RELN: variants seen among roughly 807,000 people sequenced by gnomAD.
The protein encoded by RELN is reelin.
A neutral mutation model predicts 427.6 loss-of-function variants in RELN; 108 were observed. The observed-to-expected ratio is 0.25, with a 90% CI of 0.22 to 0.30. RELN has a LOEUF of 0.30. Ranked by LOEUF, RELN falls within the 10% of genes least tolerant of loss-of-function variation. RELN has a pLI of 1.00. For missense variants in RELN, 3,715 were observed against 4,302.8 expected, an observed-to-expected ratio of 0.86 and a Z score of 3.82; for synonymous variants, 1,524 against 1,513.4, an observed-to-expected ratio of 1.01 and a Z score of -0.16.
intron 28 of RELN, 115 bp from the exon 29 acceptor site, chr7:103,575,820 G>T: frequency 8.5e-7 from 1 of 1,172,162 alleles, no homozygotes; most frequent in Non-Finnish European, 1.3e-6. Context: ...TGAAAGTCAT[G>T]TCTGCTTGAC....
intron 1 of RELN, among the ~76,000 whole-genome samples, chr7:103,943,290 A>C (rs1256207958): frequency 6.6e-6 from 1 of 152,134 alleles, no homozygotes; most frequent in Non-Finnish European, 1.5e-5. Context: ...CTTGTATTAA[A>C]ATTGTGACAG....
chr7:103,827,362 A>C (rs951378954), intron 3 of RELN, among the ~76,000 whole-genome samples: 6 of 152,002 alleles, frequency 3.9e-5, no homozygotes, highest in African/African-American at 1.4e-4. Flanking sequence ...AGAGGGGGGA[A>C]AATGAAGGGA....
intron 2 of RELN, among the ~76,000 whole-genome samples, chr7:103,910,012 A>T (rs899064424): frequency 2.2e-5 from 3 of 135,896 alleles, no homozygotes; most frequent in African/African-American, 8.4e-5. Context: ...CAGTATGGCC[A>T]TTTTCACGAT....
rs183441347 is a variant in RELN, at chr7:103,573,414, T to C, written c.4511+678A>G. On this transcript the variant is annotated intron_variant, in intron 30 of 64. Transcript: ENST00000428762. The surrounding 1 kb of genome is among the most constrained non-coding windows in gnomAD (Gnocchi z 4.4). ...TAGCGACTGACAGAGAGTACCTGCT[T>C]GACAGGCACACCTCTGAGAGAACAA... Among the ~76,000 whole-genome samples, 1 of 152,236 alleles carries C rather than the reference T, an allele frequency of 6.6e-6. No individual in the cohort carries two copies. The highest frequency in any genetic ancestry group is 2.4e-5 in the African/African-American group (1 of 41,552).
chr7:103,741,826 C>T (rs539228207), intron 6 of RELN, among the ~76,000 whole-genome samples: 11 of 152,228 alleles, frequency 7.2e-5, no homozygotes, highest in Admixed American at 2.6e-4. Context: ...CCAAGATGGC[C>T]GAATAGGAAC....
chr7:103,794,577 C>T (rs1792251484), intron 3 of RELN, among the ~76,000 whole-genome samples: 1 of 152,148 alleles, frequency 6.6e-6, no homozygotes, highest in African/African-American at 2.4e-5. Flanking sequence ...AATAATTTTT[C>T]ACTGAAGTAG....
intron 47 of RELN, 128 bp downstream of exon 47, chr7:103,523,263 C>G: frequency 9.4e-7 from 1 of 1,059,600 alleles, no homozygotes; most frequent in South Asian, 1.4e-5. Flanking sequence ...AGCTCAAGAT[C>G]ATATTTCAGA....
intron 1 of RELN, among the ~76,000 whole-genome samples, chr7:103,960,208 T>C (rs1796520402): frequency 6.6e-6 from 1 of 152,206 alleles, no homozygotes; most frequent in Admixed American, 6.5e-5. Context: ...ATTGGCTCTG[T>C]CCTTCCCCTT....
chr7:103,571,147 T>G (rs1436539020), intron 31 of RELN, among the ~76,000 whole-genome samples: 1 of 152,200 alleles, frequency 6.6e-6, no homozygotes, highest in Non-Finnish European at 1.5e-5. Flanking sequence ...TGAACACAGC[T>G]GTTGGTAGCT....
rs1796976037 is a variant in RELN, at chr7:103,980,731, C to T, written c.226+8400G>A. On this transcript the variant is annotated intron_variant, in intron 1 of 64. Coordinates refer to ENST00000428762, the MANE Select transcript of RELN (RefSeq NM_005045.4). ...GTAAAGCATTTAGCTCAGTGCCTGG[C>T]ACATATTAAGTGCTACTTTAGGGTT... Among the ~76,000 whole-genome samples the T allele has an allele frequency of 2.0e-5, 3 of 152,268 alleles. No homozygotes were observed. In the South Asian group the frequency reaches 6.2e-4, roughly 32 times the overall value.
intron 28 of RELN, among the ~76,000 whole-genome samples, chr7:103,587,650 A>G (rs1008197267): frequency 6.6e-6 from 1 of 152,154 alleles, no homozygotes; most frequent in Admixed American, 6.5e-5. Context: ...ATATAATAGG[A>G]ATAGAGTATA....
chr7:103,770,074 C>A (rs1791525975), intron 4 of RELN, among the ~76,000 whole-genome samples: 1 of 150,558 alleles, frequency 6.6e-6, no homozygotes, highest in African/African-American at 2.4e-5. Flanking sequence ...ATCTTTTTTA[C>A]TTTATTTATT....
At position 103,626,200 on chromosome 7, in the gene RELN, T is replaced by G. The variant is rs1832325341; in HGVS notation, c.2702+3740A>C. Among the ~76,000 whole-genome samples the G allele has an allele frequency of 1.3e-5, 2 of 152,076 alleles. No individual in the cohort carries two copies. The highest frequency in any genetic ancestry group is 4.8e-5 in the African/African-American group (2 of 41,428). ...CTCAAAATTCCTCTTTAGTTAAAAT[T>G]ATCTGGCTTTAATTTTACAAGCTTC... On this transcript the variant is annotated intron_variant, in intron 20 of 64. Transcript: ENST00000428762. The surrounding 1 kb of genome is among the most constrained non-coding windows in gnomAD (Gnocchi z 4.4).
chr7:103,523,005 G>A (rs1829745171), intron 47 of RELN, among the ~76,000 whole-genome samples: 1 of 152,152 alleles, frequency 6.6e-6, no homozygotes. Context: ...ACAATGACAA[G>A]TGCATATCCT....
rs1831421927 is a variant in RELN at position 103,591,755 on chromosome 7, G to T, written c.3912+1927C>A. On this transcript the variant is annotated intron_variant, in intron 27 of 64. Coordinates refer to ENST00000428762, the MANE Select transcript of RELN (RefSeq NM_005045.4). ...ACAAGTGGTTGGAACTTGAAGTTCT[G>T]TGACAAGTTCGTGCTTTAGAAATCA... 2.0e-5 allele frequency among the ~76,000 whole-genome samples: 3 copies of T among 152,260 alleles called. No individual in the cohort carries two copies. The South Asian group carries it at 6.2e-4, about 32-fold the overall frequency.
intron 2 of RELN, among the ~76,000 whole-genome samples, chr7:103,859,271 C>T (rs1407001758): frequency 6.6e-6 from 1 of 152,084 alleles, no homozygotes; most frequent in Non-Finnish European, 1.5e-5. Flanking sequence ...CATTTGGAAT[C>T]TTCAAAGGTT....
intron 6 of RELN, among the ~76,000 whole-genome samples, chr7:103,745,067 A>G (rs1489848719): frequency 6.6e-6 from 1 of 152,214 alleles, no homozygotes; most frequent in African/African-American, 2.4e-5. Flanking sequence ...CTTATCCACC[A>G]TGATCAAGTG....
chr7:103,603,269 T>C lies in RELN; in HGVS notation c.3333+35A>G. On this transcript the variant is annotated intron_variant, in intron 24 of 64. Transcript: ENST00000428762. This position sits in a 1 kb window ranked among gnomAD's most constrained non-coding sequence, Gnocchi z 4.3. The stretch of plus-strand genomic sequence containing the variant: ...TCAGAGTCTCATATTAAACTAGCCA[T>C]TGCCCCGATGACTTATCCCAGCTGT... 3 of 1,548,362 alleles carry C rather than the reference T, an allele frequency of 1.9e-6. No individual in the cohort carries two copies. Among genetic ancestry groups the C allele is most frequent in the Non-Finnish European group, 2.7e-6 (3 of 1,120,266 alleles).
chr7:103,896,443 T>A (rs1168155828), intron 2 of RELN, among the ~76,000 whole-genome samples: 2 of 151,932 alleles, frequency 1.3e-5, no homozygotes, highest in Non-Finnish European at 2.9e-5. Context: ...AGAACAAACA[T>A]AAACATACTA....
Sources: gnomAD v4.1 joint callset for allele counts (sites outside exome capture counted in the v4.1 genomes callset) on GRCh38, gnomAD v4.1.1 for gene constraint, Gnocchi (gnomAD v3.1) non-coding constraint, MANE v1.5 for transcripts, NCBI Gene and HGNC (gene_info 2026-07-23, HGNC 2026-07-21) for gene names.